LYPLAL1: variants seen among roughly 807,000 people sequenced by gnomAD.
LYPLAL1 encodes lysophospholipase like 1, also known as lysophospholipase-like protein 1.
A neutral mutation model predicts 19.7 loss-of-function variants in LYPLAL1; 23 were observed. That is an observed-to-expected ratio of 1.17 (90% CI 0.84 to 1.65). The LOEUF is 1.65. Among genes scored for constraint, LYPLAL1 ranks in the 40% most tolerant of loss-of-function variants. The pLI is 0.00. For missense variants in LYPLAL1, 355 were observed against 279.4 expected, an observed-to-expected ratio of 1.27 and a Z score of -1.93; for synonymous variants, 119 against 96.3, an observed-to-expected ratio of 1.24 and a Z score of -1.38.
chr1:219,182,061 G>A (rs982824029), intron 2 of LYPLAL1, among the ~76,000 whole-genome samples: 1 of 152,114 alleles, frequency 6.6e-6, no homozygotes, highest in South Asian at 2.1e-4. Context: ...AGTGTATTTT[G>A]TTGTGGTAAA....
the LYPLAL1 span, among the ~76,000 whole-genome samples, chr1:219,396,108 A>G: frequency 6.6e-6 from 1 of 151,912 alleles, no homozygotes; most frequent in Admixed American, 6.6e-5. Context: ...ATCTCAAAAA[A>G]AAAAAAAAAA....
At chr1:219,238,122 CTTTTT>C in the LYPLAL1 span, among the ~76,000 whole-genome samples, 5 of 103,892 alleles carry the variant, frequency 4.8e-5, no homozygotes, top group African/African-American at 7.4e-5. Context: ...TGGATCTAAA[CTTTTT>C]TTTTTTTTTT....
At chr1:219,222,376 A>G in the LYPLAL1 span, 1 of 152,056 alleles carries the variant, frequency 6.6e-6, no homozygotes, top group East Asian at 1.9e-4. Context: ...CTGAATACTA[A>G]TCAAGGCCCA....
At chr1:219,331,846 C>T in the LYPLAL1 span, among the ~76,000 whole-genome samples, 3 of 152,126 alleles carry the variant, frequency 2.0e-5, no homozygotes, top group African/African-American at 7.2e-5. Context: ...GGCCACACAA[C>T]ATCTTTCCCT....
the LYPLAL1 span, among the ~76,000 whole-genome samples, chr1:219,228,547 G>T: frequency 6.6e-6 from 1 of 151,934 alleles, no homozygotes; most frequent in African/African-American, 2.4e-5. Context: ...TGTTTACTAC[G>T]ATTACGTGTA....
chr1:219,344,188 T>C, the LYPLAL1 span, among the ~76,000 whole-genome samples: 111 of 152,252 alleles, frequency 7.3e-4, no homozygotes, highest in Non-Finnish European at 9.3e-4. Context: ...AAACTCACTG[T>C]AGTTTGTCTT....
At chr1:219,248,239 T>C in the LYPLAL1 span, among the ~76,000 whole-genome samples, 1 of 152,186 alleles carries the variant, frequency 6.6e-6, no homozygotes, top group African/African-American at 2.4e-5. Flanking sequence ...TTTGTGCTGC[T>C]CTTTGAAAAT....
intron 2 of LYPLAL1, among the ~76,000 whole-genome samples, chr1:219,186,518 T>C (rs992405809): frequency 5.6e-5 from 7 of 125,280 alleles, no homozygotes; most frequent in Middle Eastern, 7.9e-3. Flanking sequence ...TGCATATTCA[T>C]GTAGTAATAT....
the LYPLAL1 span, among the ~76,000 whole-genome samples, chr1:219,402,482 C>G: frequency 6.6e-6 from 1 of 151,916 alleles, no homozygotes; most frequent in Non-Finnish European, 1.5e-5. Flanking sequence ...GCATTCACAT[C>G]AAAAGGAACA....
At chr1:219,415,859 C>A in the LYPLAL1 span, among the ~76,000 whole-genome samples, 18 of 152,336 alleles carry the variant, frequency 1.2e-4, no homozygotes, top group Non-Finnish European at 1.9e-4. Flanking sequence ...TGGCTTGCAG[C>A]TGAATCACTT....
chr1:219,429,402 A>G, the LYPLAL1 span, among the ~76,000 whole-genome samples: 2 of 152,196 alleles, frequency 1.3e-5, no homozygotes, highest in Non-Finnish European at 2.9e-5. Context: ...TCATGCCTGT[A>G]GTCCCAGCTC....
chr1:219,266,758 G>T, the LYPLAL1 span, among the ~76,000 whole-genome samples: 2 of 152,078 alleles, frequency 1.3e-5, no homozygotes, highest in African/African-American at 2.4e-5. Flanking sequence ...GGCTTGTTTA[G>T]CTGTAGTATA....
chr1:219,327,417 C>A, the LYPLAL1 span, among the ~76,000 whole-genome samples: 1 of 152,078 alleles, frequency 6.6e-6, no homozygotes, highest in African/African-American at 2.4e-5. Flanking sequence ...AATGGCGAGG[C>A]AATTGAGGTC....
At chr1:219,423,089 C>T in the LYPLAL1 span, among the ~76,000 whole-genome samples, 2 of 152,088 alleles carry the variant, frequency 1.3e-5, no homozygotes, top group African/African-American at 4.8e-5. Flanking sequence ...GATGTTTTTG[C>T]TCACAGAGTT....
At chr1:219,443,330 T>C in the LYPLAL1 span, among the ~76,000 whole-genome samples, 2 of 152,182 alleles carry the variant, frequency 1.3e-5, no homozygotes, top group Non-Finnish European at 2.9e-5. Context: ...TGAAGGATTT[T>C]AATAATAATA....
At chr1:219,373,258 A>G in the LYPLAL1 span, among the ~76,000 whole-genome samples, 2 of 152,230 alleles carry the variant, frequency 1.3e-5, no homozygotes, top group African/African-American at 4.8e-5. Context: ...CACCTGCACT[A>G]CATGCACATG....
chr1:219,206,448 G>A (rs998087544), intron 3 of LYPLAL1, among the ~76,000 whole-genome samples: 3 of 151,988 alleles, frequency 2.0e-5, no homozygotes, highest in Non-Finnish European at 2.9e-5. Context: ...ATTTTCTTCT[G>A]TTAGGAAAAA....
chr1:219,233,090 C>G, the LYPLAL1 span, among the ~76,000 whole-genome samples: 1 of 152,138 alleles, frequency 6.6e-6, no homozygotes, highest in Non-Finnish European at 1.5e-5. Context: ...GCATTATTCA[C>G]AATAGCCAGA....
chr1:219,356,404 G>A, the LYPLAL1 span, among the ~76,000 whole-genome samples: 2 of 152,132 alleles, frequency 1.3e-5, no homozygotes, highest in South Asian at 4.1e-4. Context: ...GGAGGCTGAG[G>A]CAGGAGAATC....
Sources: allele counts gnomAD v4.1 joint callset (sites outside exome capture counted in the v4.1 genomes callset), GRCh38; gene constraint gnomAD v4.1.1; transcripts MANE v1.5; gene names NCBI Gene and HGNC (gene_info 2026-07-23, HGNC 2026-07-21).